Variants in ENTREP2 observed in about 807,000 individuals in gnomAD.
The protein encoded by ENTREP2 is protein ENTREP2.
At chr15:29,489,972 G>T in the ENTREP2 span, among the ~76,000 whole-genome samples, 22 of 152,348 alleles carry the variant, frequency 1.4e-4, no homozygotes, top group Middle Eastern at 3.4e-3. Flanking sequence ...AAATGAAACT[G>T]TCTCTAAATA....
the ENTREP2 span, among the ~76,000 whole-genome samples, chr15:29,442,820 G>C: frequency 7.9e-4 from 120 of 152,304 alleles, no homozygotes; most frequent in African/African-American, 2.6e-3. Flanking sequence ...AGCAATGCTG[G>C]CACTGCTCAC....
the ENTREP2 span, among the ~76,000 whole-genome samples, chr15:29,230,795 GACATAGAA>G: frequency 2.0e-5 from 3 of 152,134 alleles, no homozygotes; most frequent in Non-Finnish European, 1.5e-5. Context: ...CAAGATTATT[GACATAGAA>G]ACCAAGTCAT....
the ENTREP2 span, chr15:29,137,207 G>C: frequency 6.8e-7 from 1 of 1,467,260 alleles, no homozygotes; most frequent in Non-Finnish European, 9.0e-7. Context: ...GGAAAACAGA[G>C]ACAACCACAG....
the ENTREP2 span, chr15:29,123,481 A>G: frequency 6.4e-7 from 1 of 1,551,642 alleles, no homozygotes; most frequent in South Asian, 1.2e-5. Flanking sequence ...AAACTTGGCC[A>G]CCAAAACCCT....
chr15:29,418,599 C>G, the ENTREP2 span, among the ~76,000 whole-genome samples: 1 of 152,190 alleles, frequency 6.6e-6, no homozygotes. Context: ...TCTTTCGCTT[C>G]CAGGTCGGAT....
At chr15:29,326,572 CTAAA>C in the ENTREP2 span, among the ~76,000 whole-genome samples, 9 of 151,852 alleles carry the variant, frequency 5.9e-5, no homozygotes, top group South Asian at 2.1e-4. Flanking sequence ...CAAAGATTAC[CTAAA>C]TAAATATAGA....
chr15:29,521,293 A>G, the ENTREP2 span, among the ~76,000 whole-genome samples: 1 of 152,222 alleles, frequency 6.6e-6, no homozygotes, highest in African/African-American at 2.4e-5. Flanking sequence ...TGACAAACTA[A>G]TTCTAAAATT....
chr15:29,159,125 T>TA, the ENTREP2 span, among the ~76,000 whole-genome samples: 21 of 152,316 alleles, frequency 1.4e-4, no homozygotes, highest in African/African-American at 5.1e-4. Context: ...CGCTGAGTGT[T>TA]ACAGCTCTTA....
chr15:29,410,432 A>AGCAGCCCTGGG, the ENTREP2 span, among the ~76,000 whole-genome samples: 1 of 151,752 alleles, frequency 6.6e-6, no homozygotes, highest in African/African-American at 2.4e-5. Flanking sequence ...CTGCCCCAGG[A>AGCAGCCCTGGG]GCAGCCCTGG....
At chr15:29,212,333 T>C in the ENTREP2 span, among the ~76,000 whole-genome samples, 1 of 152,184 alleles carries the variant, frequency 6.6e-6, no homozygotes, top group South Asian at 2.1e-4. Context: ...CCTCCCCCGT[T>C]TCATTTCTTA....
At chr15:29,465,454 A>G in the ENTREP2 span, among the ~76,000 whole-genome samples, 36 of 152,194 alleles carry the variant, frequency 2.4e-4, no homozygotes, top group Admixed American at 2.0e-3. Context: ...GAGTGCCCAC[A>G]CATCAGAAAT....
the ENTREP2 span, among the ~76,000 whole-genome samples, chr15:29,567,535 C>T: frequency 6.6e-6 from 1 of 152,152 alleles, no homozygotes; most frequent in African/African-American, 2.4e-5. Context: ...CATCCCTCTT[C>T]CCCTTAGTTT....
the ENTREP2 span, among the ~76,000 whole-genome samples, chr15:29,221,488 C>A: frequency 1.1e-3 from 165 of 152,264 alleles, 1 homozygote; most frequent in African/African-American, 3.6e-3. Context: ...GTGTGAGCCA[C>A]CACGACCGAC....
chr15:29,468,059 G>A, the ENTREP2 span, among the ~76,000 whole-genome samples: 72,866 of 151,380 alleles, frequency 0.48, 17,976 homozygotes, highest in African/African-American at 0.61. Context: ...GGTACGTGCC[G>A]GACAGAAGAC....
At chr15:29,152,939 T>C in the ENTREP2 span, among the ~76,000 whole-genome samples, 5 of 152,246 alleles carry the variant, frequency 3.3e-5, no homozygotes, top group East Asian at 9.6e-4. Flanking sequence ...CTCTGCATGA[T>C]TGCCAACATT....
At chr15:29,312,242 T>A in the ENTREP2 span, among the ~76,000 whole-genome samples, 1 of 151,790 alleles carries the variant, frequency 6.6e-6, no homozygotes, top group Non-Finnish European at 1.5e-5. Flanking sequence ...ATAACATTCA[T>A]GAAAGAAGAA....
At chr15:29,362,354 C>T in the ENTREP2 span, among the ~76,000 whole-genome samples, 2 of 150,066 alleles carry the variant, frequency 1.3e-5, no homozygotes, top group Non-Finnish European at 1.5e-5. Flanking sequence ...TCTTTGTCTA[C>T]CTTGTTTTTA....
chr15:29,511,831 G>GT, the ENTREP2 span, among the ~76,000 whole-genome samples: 2 of 146,856 alleles, frequency 1.4e-5, no homozygotes, highest in South Asian at 2.3e-4. Flanking sequence ...GCCAACAACT[G>GT]TAAGGCACAC....
At chr15:29,231,650 T>C in the ENTREP2 span, among the ~76,000 whole-genome samples, 3 of 152,162 alleles carry the variant, frequency 2.0e-5, no homozygotes, top group Non-Finnish European at 4.4e-5. Flanking sequence ...AGTAGTCTAA[T>C]ATAGTATGCT....
Sources: gnomAD v4.1 joint callset for allele counts (sites outside exome capture counted in the v4.1 genomes callset) on GRCh38, gnomAD v4.1.1 for gene constraint, MANE v1.5 for transcripts, NCBI Gene and HGNC (gene_info 2026-07-23, HGNC 2026-07-21) for gene names.